EPB41L2: variants seen among roughly 807,000 people sequenced by gnomAD.
EPB41L2 encodes the protein erythrocyte membrane protein band 4.1 like 2, also known as band 4.1-like protein 2.
EPB41L2 carries 43 observed loss-of-function variants against 113.0 expected under a neutral mutation model. That is an observed-to-expected ratio of 0.38 (90% CI 0.30 to 0.49). EPB41L2 has a LOEUF of 0.49. Among genes scored for constraint, EPB41L2 ranks in the 20% least tolerant of loss-of-function variants. EPB41L2 has a pLI of 0.95. For synonymous variants in EPB41L2, 442 were observed against 436.7 expected, an observed-to-expected ratio of 1.01 and a Z score of -0.15; for missense variants, 1,147 against 1,223.4, an observed-to-expected ratio of 0.94 and a Z score of 0.93.
chr6:131,049,175 C>T (rs1188290279), intron 1 of EPB41L2, among the ~76,000 whole-genome samples: 1 of 152,176 alleles, frequency 6.6e-6, no homozygotes, highest in East Asian at 1.9e-4. Context: ...CTCCTGTTTT[C>T]GGGCAGAGGG....
chr6:130,886,192 T>C (rs1034066145), intron 11 of EPB41L2, among the ~76,000 whole-genome samples: 2 of 152,202 alleles, frequency 1.3e-5, no homozygotes, highest in Non-Finnish European at 2.9e-5. Flanking sequence ...ACCTTTAGAC[T>C]GCAAGCTCTT....
At chr6:130,955,049 C>T in intron 3 of EPB41L2, 56 bp downstream of exon 3, 1 of 1,486,978 alleles carries the variant, frequency 6.7e-7, no homozygotes, top group Non-Finnish European at 9.3e-7. Context: ...ATCTATTCAT[C>T]ATGCCATGCC....
intron 1 of EPB41L2, among the ~76,000 whole-genome samples, chr6:130,973,094 T>A (rs554076623): frequency 3.3e-5 from 5 of 152,026 alleles, no homozygotes; most frequent in Admixed American, 6.6e-5. Context: ...CCTGAGTGGC[T>A]CCATCTCAAA....
chr6:131,025,210 C>G (rs540197265), intron 1 of EPB41L2, among the ~76,000 whole-genome samples: 73 of 152,238 alleles, frequency 4.8e-4, no homozygotes, highest in Non-Finnish European at 5.3e-4. Context: ...GTTTCCCCCC[C>G]GGTATGACTG....
Position 131,047,123 on chromosome 6 carries a change from T to C in EPB41L2, c.-15+16032A>G, listed in dbSNP as rs562895663. Among the ~76,000 whole-genome samples, 9 of 152,304 alleles carry C rather than the reference T, an allele frequency of 5.9e-5. No homozygotes were observed. The East Asian group carries it at 1.5e-3, about 26-fold the overall frequency. ...TTTTCTTATAGGATACTTAGGATAA[T>C]AGTACCTACCACAAAGAGTTACTAC... On this transcript the variant is annotated intron_variant, in intron 1 of 19. Coordinates refer to ENST00000337057, the MANE Select transcript of EPB41L2 (RefSeq NM_001431.4).
At chr6:130,898,101 TAAA>T (rs3836923) in intron 8 of EPB41L2, among the ~76,000 whole-genome samples, 3 of 144,022 alleles carry the variant, frequency 2.1e-5, no homozygotes, top group Admixed American at 6.9e-5. Context: ...CCCAGGGGTC[TAAA>T]AAAAAAAAAA....
chr6:130,899,077 GTC>G (rs1562431278), intron 8 of EPB41L2, among the ~76,000 whole-genome samples: 2 of 152,090 alleles, frequency 1.3e-5, no homozygotes, highest in Admixed American at 6.6e-5. Flanking sequence ...TTGGAAAGTG[GTC>G]CCATGCTACT....
chr6:130,994,452 C>T (rs1020758187), intron 1 of EPB41L2, among the ~76,000 whole-genome samples: 1 of 152,116 alleles, frequency 6.6e-6, no homozygotes, highest in African/African-American at 2.4e-5. Context: ...TCACCACTGA[C>T]ACATAGGCTA....
At chr6:130,861,943 G>T (rs1432163180) in intron 18 of EPB41L2, among the ~76,000 whole-genome samples, 1 of 151,788 alleles carries the variant, frequency 6.6e-6, no homozygotes, top group Non-Finnish European at 1.5e-5. Context: ...TCTTCATTTG[G>T]ATATCTGACC....
chr6:131,016,378 A>G (rs1176262860), intron 1 of EPB41L2, among the ~76,000 whole-genome samples: 1 of 152,094 alleles, frequency 6.6e-6, no homozygotes, highest in African/African-American at 2.4e-5. Context: ...AGTATTCTCC[A>G]TCCACAATTA....
intron 1 of EPB41L2, among the ~76,000 whole-genome samples, chr6:131,030,268 C>T (rs1192515980): frequency 2.0e-5 from 3 of 152,190 alleles, no homozygotes; most frequent in African/African-American, 7.2e-5. Flanking sequence ...ACAGGGCCCT[C>T]CTTGGGGCTG....
intron 8 of EPB41L2, among the ~76,000 whole-genome samples, chr6:130,896,055 A>G (rs537519124): frequency 6.6e-6 from 1 of 152,334 alleles, no homozygotes; most frequent in Admixed American, 6.5e-5. Context: ...ACAATACGAA[A>G]CAAATTCTCA....
chr6:130,883,493 A>C (rs1789943568), intron 12 of EPB41L2, among the ~76,000 whole-genome samples: 1 of 152,258 alleles, frequency 6.6e-6, no homozygotes, highest in African/African-American at 2.4e-5. Context: ...CAGACATTCA[A>C]AGCATTAGCA....
At chr6:130,952,121 G>A (rs2128612130) in intron 3 of EPB41L2, among the ~76,000 whole-genome samples, 1 of 152,190 alleles carries the variant, frequency 6.6e-6, no homozygotes, top group African/African-American at 2.4e-5. Flanking sequence ...CATTTGATTG[G>A]TCCAAATTAA....
chr6:130,863,807 G>A, intron 17 of EPB41L2, 89 bp from the exon 18 acceptor site: 1 of 797,230 alleles, frequency 1.3e-6, no homozygotes, highest in Middle Eastern at 2.3e-4. Flanking sequence ...AGTCCACCTA[G>A]ACCTGTGGAT....
chr6:131,061,570 G>C (rs1798665016), intron 1 of EPB41L2, among the ~76,000 whole-genome samples: 1 of 152,096 alleles, frequency 6.6e-6, no homozygotes, highest in Non-Finnish European at 1.5e-5. Flanking sequence ...GCCACCCAGT[G>C]ATTTCTCACA....
Position 130,870,096 on chromosome 6 carries a change from C to T in EPB41L2, c.2074G>A (p.Glu692Lys). Reference sequence around the variant, plus strand: ...TTCCCAACCTCTGCCCGCTTCTTCTCCTCCACTATATTCAGAGTCTCATGT... The same window carrying T: ...TTCCCAACCTCTGCCCGCTTCTTCTTCTCCACTATATTCAGAGTCTCATGT... ...SSHETLNIVE[E>K]KKRAEVGKDE... The change falls in exon 15 of 20, where the codon GAG becomes AAG. Residue 692 changes from glutamate (E) to lysine (K), a missense_variant. Coordinates refer to ENST00000337057, the MANE Select transcript of EPB41L2 (RefSeq NM_001431.4). The T allele has an allele frequency of 6.2e-7, 1 of 1,613,444 alleles. No individual in the cohort carries two copies. Among genetic ancestry groups the T allele is most frequent in the Admixed American group, 1.7e-5 (1 of 59,982 alleles).
chr6:131,039,326 A>G (rs1793979600), intron 1 of EPB41L2, among the ~76,000 whole-genome samples: 1 of 151,524 alleles, frequency 6.6e-6, no homozygotes, highest in Non-Finnish European at 1.5e-5. Context: ...CAAATTTCCA[A>G]TCCTTTAATC....
intron 13 of EPB41L2, among the ~76,000 whole-genome samples, chr6:130,879,008 C>T (rs1288972419): frequency 6.6e-6 from 1 of 152,168 alleles, no homozygotes; most frequent in African/African-American, 2.4e-5. Context: ...ACTACCAGGT[C>T]CATTTTCATG....
Sources: gnomAD v4.1 joint callset for allele counts (sites outside exome capture counted in the v4.1 genomes callset) on GRCh38, gnomAD v4.1.1 for gene constraint, MANE v1.5 for transcripts, NCBI Gene and HGNC (gene_info 2026-07-23, HGNC 2026-07-21) for gene names.